Variants in PCDHGB5 observed in about 807,000 individuals in gnomAD.
The protein encoded by PCDHGB5 is protocadherin gamma-B5.
A neutral mutation model predicts 62.9 loss-of-function variants in PCDHGB5; 48 were observed. The observed-to-expected ratio is 0.76, with a 90% CI of 0.61 to 0.97. The LOEUF (loss-of-function observed/expected upper bound fraction) is 0.97. Ranked by LOEUF, PCDHGB5 falls within the 50% of genes least tolerant of loss-of-function variation. The probability of loss-of-function intolerance (pLI) is 0.00; values close to 1 mark genes in which losing one functional copy is unlikely to be tolerated. For synonymous variants in PCDHGB5, 474 were observed against 511.2 expected, an observed-to-expected ratio of 0.93 and a Z score of 0.98; for missense variants, 1,118 against 1,198.6, an observed-to-expected ratio of 0.93 and a Z score of 0.99.
Position 141,491,057 on chromosome 5 carries a change from CCTA to C in PCDHGB5, c.2398-3747_2398-3745del. On this transcript the variant is annotated intron_variant, in intron 1 of 3. Coordinates refer to ENST00000617380, the MANE Select transcript of PCDHGB5 (RefSeq NM_018925.3). The surrounding 1 kb of genome is among the most constrained non-coding windows in gnomAD (Gnocchi z 6.9). ...GATGCAGGCCACAATGCGTGGCTCTCCTACTCACTGTTGCCACAGTCCACAGCC... is the reference window on the plus strand; with the variant it reads ...GATGCAGGCCACAATGCGTGGCTCTCCTCACTGTTGCCACAGTCCACAGCC... 6.2e-7 allele frequency: 1 copy of C among 1,614,208 alleles called. No homozygotes were observed. The highest frequency in any genetic ancestry group is 8.5e-7 in the Non-Finnish European group (1 of 1,180,022).
chr5:141,420,187 CA>C (rs779974762), intron 1 of PCDHGB5: 25 of 1,613,706 alleles, frequency 1.5e-5, no homozygotes, highest in Non-Finnish European at 2.1e-5. Flanking sequence ...ATTGTCCAGC[CA>C]CACAAGATAA....
At position 141,415,363 on chromosome 5, in the gene PCDHGB5, C is replaced by T. The variant is rs62378454; in HGVS notation, c.2397+14839C>T. 7,186 of 1,614,240 alleles carry T rather than the reference C, an allele frequency of 4.5e-3. 30 individuals carry two copies. Among genetic ancestry groups the T allele is most frequent in the South Asian group, 5.6e-3 (509 of 91,092 alleles). Reference sequence around the variant, plus strand: ...GCGCTGGCACAAGTCACGCCTGCTGCAGGCTTCAGGAGGCGGCTTGACAGG... The same window carrying T: ...GCGCTGGCACAAGTCACGCCTGCTGTAGGCTTCAGGAGGCGGCTTGACAGG... On this transcript the variant is annotated intron_variant, in intron 1 of 3. Transcript: ENST00000617380.
At chr5:141,413,460 C>T (rs1561742736) in intron 1 of PCDHGB5, 4 of 1,613,974 alleles carry the variant, frequency 2.5e-6, no homozygotes, top group Middle Eastern at 1.6e-4. Context: ...GCAGGATAGA[C>T]CGGGAGGAGC....
intron 1 of PCDHGB5, among the ~76,000 whole-genome samples, chr5:141,429,660 ATATAT>A (rs1388009014): frequency 1.3e-5 from 2 of 152,336 alleles, no homozygotes; most frequent in African/African-American, 4.8e-5. Flanking sequence ...CCAATTTAAA[ATATAT>A]TATTTTATTT....
chr5:141,489,101 T>A lies in PCDHGB5; in HGVS notation c.2398-5706T>A. 2 of 398,380 alleles carry A rather than the reference T, an allele frequency of 5.0e-6. No individual in the cohort carries two copies. Among genetic ancestry groups the A allele is most frequent in the Non-Finnish European group, 9.0e-6 (2 of 223,310 alleles). The allele number at this position is 398,380 out of a possible 1,614,324, so 24.7% of individuals were successfully genotyped here. ...CCGCCACTCGGTGACTAAGAACTGC[T>A]GCAAGCAGGCAAACCTCCGAGCAGT... On this transcript the variant is annotated intron_variant, in intron 1 of 3. Coordinates refer to ENST00000617380, the MANE Select transcript of PCDHGB5 (RefSeq NM_018925.3). This position sits in a 1 kb window ranked among gnomAD's most constrained non-coding sequence, Gnocchi z 4.5.
chr5:141,486,271 C>T lies in PCDHGB5; in HGVS notation c.2398-8536C>T. 1 of 1,614,086 alleles carries T rather than the reference C, an allele frequency of 6.2e-7. No homozygotes were observed. Among genetic ancestry groups the T allele is most frequent in the Non-Finnish European group, 8.5e-7 (1 of 1,179,994 alleles). ...CCCTCCCCGAGAGTGCAGAACCTGG[C>T]ACTGTGGTGGCACTTATCAGTGTGC... On this transcript the variant is annotated intron_variant, in intron 1 of 3. Coordinates refer to ENST00000617380, the MANE Select transcript of PCDHGB5 (RefSeq NM_018925.3). The surrounding 1 kb of genome is among the most constrained non-coding windows in gnomAD (Gnocchi z 5.0).
chr5:141,407,873 A>T (rs561323423), intron 1 of PCDHGB5: 1 of 354,686 alleles, frequency 2.8e-6, no homozygotes, highest in Non-Finnish European at 5.1e-6. Flanking sequence ...CGAAGAATAT[A>T]TACATTTCGG....
chr5:141,486,421 G>A lies in PCDHGB5; in HGVS notation c.2398-8386G>A, dbSNP rs772631503. ...TGACTGCTGGACCCTTGGATCGAGA[G>A]GCCAAATCTAGCTATGACATCATGG... On this transcript the variant is annotated intron_variant, in intron 1 of 3. Coordinates refer to ENST00000617380, the MANE Select transcript of PCDHGB5 (RefSeq NM_018925.3). This position sits in a 1 kb window ranked among gnomAD's most constrained non-coding sequence, Gnocchi z 5.0. 2.5e-6 allele frequency: 4 copies of A among 1,614,152 alleles called. No homozygotes were observed. In the East Asian group the frequency reaches 6.7e-5, roughly 27 times the overall value.
intron 1 of PCDHGB5, chr5:141,419,828 AC>A (rs1189387492): frequency 6.2e-7 from 1 of 1,614,022 alleles, no homozygotes; most frequent in Non-Finnish European, 8.5e-7. Flanking sequence ...CCTTTCAGCC[AC>A]TGCCACGCTG....
In PCDHGB5 at chr5:141,439,231, T is replaced by C. The variant is rs545867747; in HGVS notation, c.2397+38707T>C. 2.0e-5 allele frequency among the ~76,000 whole-genome samples: 3 copies of C among 151,650 alleles called. No individual in the cohort carries two copies. In the East Asian group the frequency reaches 5.8e-4, roughly 29 times the overall value. On this transcript the variant is annotated intron_variant, in intron 1 of 3. Coordinates refer to ENST00000617380, the MANE Select transcript of PCDHGB5 (RefSeq NM_018925.3). ...TCCATATGTGAAAATTCTTAGAAGC[T>C]TCCTATACAATTTCAGCTGAAGATT...
chr5:141,413,889 T>C (rs1394681178), intron 1 of PCDHGB5: 4 of 1,613,392 alleles, frequency 2.5e-6, no homozygotes, highest in Non-Finnish European at 3.4e-6. Flanking sequence ...CTGTCTTCGA[T>C]GCAAATGACA....
At chr5:141,456,647 C>G (rs773458307) in intron 1 of PCDHGB5, among the ~76,000 whole-genome samples, 2 of 152,152 alleles carry the variant, frequency 1.3e-5, no homozygotes, top group African/African-American at 4.8e-5. Context: ...AGGTGTTAAT[C>G]CCAAAGAAGC....
chr5:141,500,986 A>G (rs1223940696), intron 2 of PCDHGB5, among the ~76,000 whole-genome samples: 1 of 151,656 alleles, frequency 6.6e-6, no homozygotes, highest in East Asian at 1.9e-4. Flanking sequence ...CTCCTGCCTC[A>G]GCCTCCTGAG....
Position 141,489,652 on chromosome 5 carries a change from C to T in PCDHGB5, c.2398-5155C>T, listed in dbSNP as rs767143028. The T allele has an allele frequency of 3.1e-6, 5 of 1,614,024 alleles. No individual in the cohort carries two copies. Among genetic ancestry groups the T allele is most frequent in the Non-Finnish European group, 4.2e-6 (5 of 1,180,026 alleles). ...CTCTCCTAGCTTTGCCACCCCTGAG[C>T]GAGAGATGCGCATCTCAGAATCAGC... On this transcript the variant is annotated intron_variant, in intron 1 of 3. Coordinates refer to ENST00000617380, the MANE Select transcript of PCDHGB5 (RefSeq NM_018925.3). The surrounding 1 kb of genome is among the most constrained non-coding windows in gnomAD (Gnocchi z 4.5).
At chr5:141,424,956 T>A (rs1435882776) in intron 1 of PCDHGB5, among the ~76,000 whole-genome samples, 1 of 152,176 alleles carries the variant, frequency 6.6e-6, no homozygotes, top group African/African-American at 2.4e-5. Context: ...TTCTAGGTAT[T>A]TGCCCCAAAT....
Position 141,464,802 on chromosome 5 carries a change from A to G in PCDHGB5, c.2398-30005A>G, listed in dbSNP as rs545738780. ...TGCCCAGGCCAAATTGCAGTGATGC[A>G]GTCATAGCTCACTGTAGCCTCGCAC... On this transcript the variant is annotated intron_variant, in intron 1 of 3. Transcript: ENST00000617380. Among the ~76,000 whole-genome samples, 25 of 152,032 alleles carry G rather than the reference A, an allele frequency of 1.6e-4. No homozygotes were observed. In the East Asian group the frequency reaches 4.8e-3, roughly 29 times the overall value.
chr5:141,482,736 C>T (rs897817817), intron 1 of PCDHGB5, among the ~76,000 whole-genome samples: 6 of 152,056 alleles, frequency 3.9e-5, no homozygotes, highest in African/African-American at 1.2e-4. Context: ...GCAAGAAATT[C>T]CATGCAGAGG....
rs376527354 is a variant in PCDHGB5, at chr5:141,439,129, G to A, written c.2397+38605G>A. Among the ~76,000 whole-genome samples the A allele has an allele frequency of 7.3e-5, 11 of 151,064 alleles. No individual in the cohort carries two copies. The South Asian group carries it at 2.3e-3, about 32-fold the overall frequency. The stretch of plus-strand genomic sequence containing the variant: ...AATCACTTGAACCCGGGAGACAGAG[G>A]TTGCAGTGAGCTGAGATCACGCCAC... On this transcript the variant is annotated intron_variant, in intron 1 of 3. Coordinates refer to ENST00000617380, the MANE Select transcript of PCDHGB5 (RefSeq NM_018925.3).
intron 1 of PCDHGB5, among the ~76,000 whole-genome samples, chr5:141,450,951 A>G (rs1018018318): frequency 1.3e-5 from 2 of 151,732 alleles, no homozygotes; most frequent in Non-Finnish European, 2.9e-5. Context: ...CAGCCTCCCA[A>G]GTAGCTGGGA....
Sources: allele counts gnomAD v4.1 joint callset (sites outside exome capture counted in the v4.1 genomes callset), GRCh38; gene constraint gnomAD v4.1.1; non-coding constraint Gnocchi (gnomAD v3.1); transcripts MANE v1.5; gene names NCBI Gene and HGNC (gene_info 2026-07-23, HGNC 2026-07-21).